The following ABCB1 variants were observed in gnomAD, a reference collection of about 807,000 sequenced individuals.
The protein encoded by ABCB1 is ATP-dependent translocase ABCB1.
ABCB1 carries 69 observed loss-of-function variants against 142.0 expected under a neutral mutation model. The observed-to-expected ratio is 0.49, with a 90% confidence interval of 0.40 to 0.59. The LOEUF is 0.59. ABCB1 is among the 20% of genes least tolerant of loss of function. ABCB1 has a pLI of 0.00. For missense variants in ABCB1, 1,326 were observed against 1,554.7 expected, an observed-to-expected ratio of 0.85 and a Z score of 2.47; for synonymous variants, 532 against 539.2, an observed-to-expected ratio of 0.99 and a Z score of 0.18.
At chr7:87,564,793 T>C (rs565331616) in intron 7 of ABCB1, among the ~76,000 whole-genome samples, 1 of 152,240 alleles carries the variant, frequency 6.6e-6, no homozygotes, top group African/African-American at 2.4e-5. Flanking sequence ...TGTGAAGCAA[T>C]GCATAATTAA....
chr7:87,545,866 C>T lies in ABCB1; in HGVS notation c.1884G>A (p.Met628Ile). 6.2e-7 allele frequency: 1 copy of T among 1,614,042 alleles called. No homozygotes were observed. The highest frequency in any genetic ancestry group is 1.1e-5 in the South Asian group (1 of 91,076). The stretch of plus-strand genomic sequence containing the variant: ...AAATTCTGAAGTTAAACTATACCTG[C>T]ATTGTGACAAGTTTGAAGTAAATGC... ...EKGIYFKLVT[M>I]QTAGNEVELE... Residue 628 changes from methionine (M) to isoleucine (I), a missense_variant, in exon 15 of 28, where the codon ATG (methionine) becomes ATA (isoleucine). By Grantham distance (10) the Met-to-Ile change is conservative (BLOSUM62 1). Transcript: ENST00000622132.
At chr7:87,610,432 AG>A (rs1335298035) in intron 1 of ABCB1, among the ~76,000 whole-genome samples, 1 of 120,908 alleles carries the variant, frequency 8.3e-6, no homozygotes, top group Admixed American at 9.9e-5. Context: ...TCAGAGATAG[AG>A]TCTGCCTGTG....
At chr7:87,524,386 A>G (rs1815685132) in intron 21 of ABCB1, among the ~76,000 whole-genome samples, 1 of 152,174 alleles carries the variant, frequency 6.6e-6, no homozygotes, top group Non-Finnish European at 1.5e-5. Flanking sequence ...AAGTGCAGAA[A>G]GCAAAAGGTG....
At chr7:87,613,753 A>T (rs1819940095) in intron 1 of ABCB1, among the ~76,000 whole-genome samples, 1 of 152,182 alleles carries the variant, frequency 6.6e-6, no homozygotes, top group African/African-American at 2.4e-5. Flanking sequence ...TATGCTCACT[A>T]CCTGGGCCAT....
chr7:87,556,395 A>AT lies in ABCB1; in HGVS notation c.828-2464dup, dbSNP rs199812223. On this transcript the variant is annotated intron_variant, in intron 8 of 27. Transcript: ENST00000622132. ...TATTCTATACGATTGAATGGAATTT[A>AT]TTTTAACTTCTGGTTAAATTTCCAT... Among the ~76,000 whole-genome samples, 842 of 152,372 alleles carry AT rather than the reference A, an allele frequency of 5.5e-3. 7 individuals carry two copies. The highest frequency in any genetic ancestry group is 0.019 in the African/African-American group (804 of 41,588).
At position 87,566,226 on chromosome 7, in the gene ABCB1, A is replaced by T; in HGVS notation, c.546T>A (p.Ile182=). Residue 182 remains isoleucine, a synonymous_variant, in exon 7 of 28, where the codon ATT becomes ATA. Transcript: ENST00000622132. ...CAATTTTGTCACCAATTCCTTCATT[A>T]ATCTTGGAGACATCACTGAAAGAAC... ...NTRLTDDVSK[I]NEGIGDKIGM... 1 of 1,614,036 alleles carries T rather than the reference A, an allele frequency of 6.2e-7. No individual in the cohort carries two copies. The highest frequency in any genetic ancestry group is 8.5e-7 in the Non-Finnish European group (1 of 1,179,868).
At position 87,600,130 on chromosome 7, in the gene ABCB1, G is replaced by C. The variant is rs41304191; in HGVS notation, c.55C>G (p.Leu19Val). 16 of 1,613,872 alleles carry C rather than the reference G, an allele frequency of 9.9e-6. No homozygotes were observed. The highest frequency in any genetic ancestry group is 1.4e-5 in the Non-Finnish European group (16 of 1,179,774). Residue 19 changes from leucine (L) to valine (V), a missense_variant, in exon 2 of 28, where the codon CTG becomes GTG. By Grantham distance (32) the Leu-to-Val change is conservative. Coordinates refer to ENST00000622132, the MANE Select transcript of ABCB1 (RefSeq NM_001348946.2). ...CAAGCTAGTTACCTTTTATTGTTCA[G>C]TTTAAAAAAGTTCTTCTTCTTTGCT... ...GGAKKKNFFKLNNKSEKDKKE... is the reference protein window; with the variant it reads ...GGAKKKNFFKVNNKSEKDKKE...
At chr7:87,514,582 G>T (rs895723408) in intron 25 of ABCB1, among the ~76,000 whole-genome samples, 3 of 152,022 alleles carry the variant, frequency 2.0e-5, no homozygotes, top group Admixed American at 2.0e-4. Flanking sequence ...AAATGCTCAA[G>T]AGTTCAACCC....
At position 87,568,242 on chromosome 7, in the gene ABCB1, C is replaced by CAATAATAAT. The variant is rs112610351; in HGVS notation, c.339-1275_339-1267dup. 1.1e-3 allele frequency among the ~76,000 whole-genome samples: 143 copies of CAATAATAAT among 135,952 alleles called. 1 individual carries two copies. Among genetic ancestry groups the CAATAATAAT allele is most frequent in the Middle Eastern group, 3.7e-3 (1 of 268 alleles). 89.2% of individuals were successfully genotyped at this position (135,952 alleles called of 152,430 possible). ...AATCCCGTCTCTACTAAAAATACGA[C>CAATAATAAT]AATAATAATAATAATAATAATAATA... On this transcript the variant is annotated intron_variant, in intron 5 of 27. Coordinates refer to ENST00000622132, the MANE Select transcript of ABCB1 (RefSeq NM_001348946.2).
chr7:87,606,622 C>T (rs1819663519), intron 1 of ABCB1, among the ~76,000 whole-genome samples: 1 of 151,902 alleles, frequency 6.6e-6, no homozygotes, highest in African/African-American at 2.4e-5. Flanking sequence ...AATACCTATG[C>T]TAATATGCAA....
At chr7:87,545,698 T>C (rs1816749018) in intron 15 of ABCB1, among the ~76,000 whole-genome samples, 165 bp downstream of exon 15, 1 of 152,182 alleles carries the variant, frequency 6.6e-6, no homozygotes, top group African/African-American at 2.4e-5. Flanking sequence ...TTCCCCTCTT[T>C]CAAGAGAGAA....
At chr7:87,694,056 T>C (rs937297350) in intron 1 of ABCB1, 3 of 1,558,758 alleles carry the variant, frequency 1.9e-6, no homozygotes, top group African/African-American at 1.4e-5. Flanking sequence ...TCTTTTTTAG[T>C]ACATTGCATG....
intron 1 of ABCB1, among the ~76,000 whole-genome samples, chr7:87,616,655 C>A (rs1372278634): frequency 6.6e-6 from 1 of 152,186 alleles, no homozygotes; most frequent in Non-Finnish European, 1.5e-5. Flanking sequence ...ACTCATTTAT[C>A]TTGTCCCAGC....
chr7:87,702,011 T>C lies in ABCB1; in HGVS notation c.-331+11150A>G, dbSNP rs545202460. Among the ~76,000 whole-genome samples, 89 of 151,284 alleles carry C rather than the reference T, an allele frequency of 5.9e-4. No homozygotes were observed. In the South Asian group the frequency reaches 9.8e-3, roughly 17 times the overall value. On this transcript the variant is annotated intron_variant, in intron 1 of 28. Transcript: ENST00000265724. The stretch of plus-strand genomic sequence containing the variant: ...ATAAAAAATTAGCCAGGCGTGGTGG[T>C]GGGCACCTGTAATCCCAGCTACTTG...
chr7:87,536,507 G>A lies in ABCB1; in HGVS notation c.2432C>T (p.Thr811Ile). The change falls in exon 20 of 28, where the codon ACT (threonine) becomes ATT (isoleucine). Residue 811 changes from threonine (T) to isoleucine (I), a missense_variant. Thr to Ile is a moderately conservative substitution (Grantham distance 89, BLOSUM62 -1). Transcript: ENST00000622132. Reference sequence around the variant, plus strand: ...GGCGAGCCTGGTAGTCAATGCTCCAGTGGTGTTTTTAGGGTCATCAAACCA... The same window carrying A: ...GGCGAGCCTGGTAGTCAATGCTCCAATGGTGTTTTTAGGGTCATCAAACCA... ...VSWFDDPKNTTGALTTRLAND... is the reference protein window; with the variant it reads ...VSWFDDPKNTIGALTTRLAND... The A allele has an allele frequency of 6.2e-7, 1 of 1,613,966 alleles. No individual in the cohort carries two copies. Among genetic ancestry groups the A allele is most frequent in the Non-Finnish European group, 8.5e-7 (1 of 1,179,894 alleles).
chr7:87,508,121 C>G (rs1814830348), intron 26 of ABCB1, among the ~76,000 whole-genome samples: 1 of 151,980 alleles, frequency 6.6e-6, no homozygotes, highest in African/African-American at 2.4e-5. Flanking sequence ...GTACATGTAC[C>G]CCCTAAGTCT....
In ABCB1 at chr7:87,536,484, C is replaced by T. The variant is rs200754866; in HGVS notation, c.2455G>A (p.Ala819Thr). Residue 819 changes from alanine (A) to threonine (T), a missense_variant, in exon 20 of 28, where the codon GCC becomes ACC. Physicochemically the swap from Ala to Thr is moderately conservative, Grantham distance 58. Transcript: ENST00000622132. ...NTTGALTTRL[A>T]NDAAQVKGAI... Reference sequence around the variant, plus strand: ...CCTTTAACTTGAGCAGCATCATTGGCGAGCCTGGTAGTCAATGCTCCAGTG... The same window carrying T: ...CCTTTAACTTGAGCAGCATCATTGGTGAGCCTGGTAGTCAATGCTCCAGTG... The T allele has an allele frequency of 2.0e-5, 33 of 1,613,890 alleles. No individual in the cohort carries two copies. The African/African-American group carries it at 2.7e-4, about 13-fold the overall frequency.
intron 1 of ABCB1, among the ~76,000 whole-genome samples, chr7:87,688,473 TC>T (rs1458613664): frequency 6.6e-6 from 1 of 151,948 alleles, no homozygotes; most frequent in Non-Finnish European, 1.5e-5. Context: ...CATTTTCTGT[TC>T]ATGACTTTTG....
At chr7:87,561,957 G>A (rs1370457665) in intron 7 of ABCB1, among the ~76,000 whole-genome samples, 2 of 152,180 alleles carry the variant, frequency 1.3e-5, no homozygotes, top group Non-Finnish European at 2.9e-5. Flanking sequence ...CTGCAGTCCA[G>A]CCTGGGCAAC....
Sources: gnomAD v4.1 joint callset for allele counts (sites outside exome capture counted in the v4.1 genomes callset) on GRCh38, gnomAD v4.1.1 for gene constraint, MANE v1.5 for transcripts, NCBI Gene and HGNC (gene_info 2026-07-23, HGNC 2026-07-21) for gene names.